The following GNRHR variants were observed in gnomAD, a reference collection of about 807,000 sequenced individuals.
GNRHR encodes the protein gonadotropin releasing hormone receptor.
GNRHR carries 14 observed loss-of-function variants against 28.1 expected under a neutral mutation model. That is an observed-to-expected ratio of 0.50 (90% CI 0.33 to 0.78). The LOEUF is 0.78. Ranked by LOEUF, GNRHR falls within the 30% of genes least tolerant of loss-of-function variation. The probability of loss-of-function intolerance (pLI) is 0.02; values close to 1 mark genes in which losing one functional copy is unlikely to be tolerated. For missense variants in GNRHR, 366 were observed against 382.1 expected (o/e 0.96, Z 0.35); for synonymous variants, 141 against 140.5 (o/e 1.00, Z -0.02).
Position 67,744,650 on chromosome 4 carries a change from G to A in GNRHR, c.660C>T (p.Phe220=). The part of the protein sequence containing the change: ...FYNFFTFSCL[F]IIPLFIMLIC... ...TCAGCATGATGAAAAGAGGGATGAT[G>A]AAGAGGCAGCTGAAGGTGAAAAAGT... Residue 220 remains phenylalanine, a synonymous_variant, in exon 2 of 3, where the codon TTC becomes TTT. Coordinates refer to ENST00000226413, the MANE Select transcript of GNRHR (RefSeq NM_000406.3). The A allele has an allele frequency of 6.2e-7, 1 of 1,613,320 alleles. No individual in the cohort carries two copies. The highest frequency in any genetic ancestry group is 1.1e-5 in the South Asian group (1 of 91,080).
In GNRHR at chr4:67,740,456, A is replaced by G. The variant is rs367750886; in HGVS notation, c.*24T>C. On this transcript the variant is annotated 3_prime_UTR_variant, in exon 3 of 3. Coordinates refer to ENST00000226413, the MANE Select transcript of GNRHR (RefSeq NM_000406.3). ...GATTCATTACCTTACCCTTCTTCAT[A>G]TGACTTCTTGTGTAGTCTATCAATC... is the stretch of plus-strand genomic sequence containing the variant. 22 of 1,555,364 alleles carry G rather than the reference A, an allele frequency of 1.4e-5. No homozygotes were observed. The highest frequency in any genetic ancestry group is 1.9e-5 in the Non-Finnish European group (21 of 1,127,084).
At chr4:67,749,650 TCCTCCCCTTCCCTCCTTTC>T (rs2109985819) in intron 1 of GNRHR, among the ~76,000 whole-genome samples, 1 of 151,992 alleles carries the variant, frequency 6.6e-6, no homozygotes, top group South Asian at 2.1e-4. Context: ...TCCTCCTTTT[TCCTCCCCTTCCCTCCTTTC>T]CCTCCCTCCC....
At chr4:67,743,738 G>A (rs1731704998) in intron 2 of GNRHR, among the ~76,000 whole-genome samples, 1 of 151,996 alleles carries the variant, frequency 6.6e-6, no homozygotes, top group African/African-American at 2.4e-5. Flanking sequence ...AATCTCTCGA[G>A]ATAAGATTTT....
chr4:67,744,815 A>T, intron 1 of GNRHR, 28 bp from the exon 2 acceptor site: 1 of 1,279,890 alleles, frequency 7.8e-7, no homozygotes, highest in Non-Finnish European at 1.1e-6. Context: ...AAGCTATGTT[A>T]CTTTTTTCCA....
rs1339948286 is a variant in GNRHR, at chr4:67,739,860, G to A, written c.*620C>T. The A allele has an allele frequency of 1.3e-5, 2 of 152,604 alleles. No individual in the cohort carries two copies. The highest frequency in any genetic ancestry group is 2.9e-5 in the Non-Finnish European group (2 of 68,336). 9.5% of individuals were successfully genotyped at this position (152,604 alleles called of 1,614,324 possible). A position where few individuals can be genotyped will look rare whatever the true frequency, so the allele number is the denominator to read the frequency against. On this transcript the variant is annotated 3_prime_UTR_variant, in exon 3 of 3. Transcript: ENST00000226413. Reference sequence around the variant, plus strand: ...CCTGTACCACATAAATAGGATGAAGGAGAACTACTCATAGTCTTGTCAGGT... The same window carrying A: ...CCTGTACCACATAAATAGGATGAAGAAGAACTACTCATAGTCTTGTCAGGT...
chr4:67,745,050 G>A (rs950822050), intron 1 of GNRHR, among the ~76,000 whole-genome samples: 1 of 152,136 alleles, frequency 6.6e-6, no homozygotes, highest in Non-Finnish European at 1.5e-5. Context: ...GGATTTAAAC[G>A]TTGTTTGTAT....
At chr4:67,745,193 T>C (rs1731732851) in intron 1 of GNRHR, among the ~76,000 whole-genome samples, 1 of 151,946 alleles carries the variant, frequency 6.6e-6, no homozygotes, top group Non-Finnish European at 1.5e-5. Flanking sequence ...AATTTTATTT[T>C]AGAGACAGAA....
intron 1 of GNRHR, among the ~76,000 whole-genome samples, chr4:67,748,484 T>A (rs1181925678): frequency 6.6e-6 from 1 of 152,076 alleles, no homozygotes; most frequent in Non-Finnish European, 1.5e-5. Context: ...ATATATTTTT[T>A]TCTTGATGTG....
At chr4:67,745,709 G>C (rs542393749) in intron 1 of GNRHR, among the ~76,000 whole-genome samples, 4 of 152,084 alleles carry the variant, frequency 2.6e-5, no homozygotes, top group East Asian at 1.9e-4. Flanking sequence ...CTTTACAGAA[G>C]AGAAATAGCT....
chr4:67,740,522 G>A lies in GNRHR; in HGVS notation c.945C>T (p.Asn315=), dbSNP rs1022682023. 1.2e-6 allele frequency: 2 copies of A among 1,605,910 alleles called. No individual in the cohort carries two copies. Among genetic ancestry groups the A allele is most frequent in the Non-Finnish European group, 1.7e-6 (2 of 1,172,664 alleles). The change falls in exon 3 of 3, where the codon AAC becomes AAT. Residue 315 remains asparagine (N), a synonymous_variant. Coordinates refer to ENST00000226413, the MANE Select transcript of GNRHR (RefSeq NM_000406.3). ...CATAGATAAGTGGATCAAAGCATGG[G>A]TTTAAAAAGGCAAAGAGAAAGAAGA... ...NHFFFLFAFL[N]PCFDPLIYGY... is the part of the protein sequence containing the mutation.
Position 67,754,237 on chromosome 4 carries a change from C to G in GNRHR, c.99G>C (p.Leu33Phe). 6.2e-7 allele frequency: 1 copy of G among 1,613,778 alleles called. No homozygotes were observed. Among genetic ancestry groups the G allele is most frequent in the Non-Finnish European group, 8.5e-7 (1 of 1,179,666 alleles). Residue 33 changes from leucine to phenylalanine, a missense_variant, in exon 1 of 3, where the codon TTG (leucine) becomes TTC (phenylalanine). Leu to Phe is a conservative substitution (Grantham distance 22). Transcript: ENST00000226413. ...TAACCGTCACTCGGATCTTTCCAGACAAGGTCAGAGTGGGGAGGTTGCCCT... is the reference window on the plus strand; with the variant it reads ...TAACCGTCACTCGGATCTTTCCAGAGAAGGTCAGAGTGGGGAGGTTGCCCT... ...LMQGNLPTLT[L>F]SGKIRVTVTF...
intron 1 of GNRHR, among the ~76,000 whole-genome samples, chr4:67,751,141 G>A (rs1478864880): frequency 6.6e-6 from 1 of 152,126 alleles, no homozygotes; most frequent in Non-Finnish European, 1.5e-5. Context: ...AAAATAAAAT[G>A]TAACAGAATA....
chr4:67,749,490 T>G (rs1476225167), intron 1 of GNRHR, among the ~76,000 whole-genome samples: 1 of 152,178 alleles, frequency 6.6e-6, no homozygotes, highest in Non-Finnish European at 1.5e-5. Context: ...TGATTTTAAA[T>G]TAGATACGGG....
intron 1 of GNRHR, among the ~76,000 whole-genome samples, chr4:67,749,333 A>G (rs529337187): frequency 2.6e-5 from 4 of 152,258 alleles, no homozygotes; most frequent in South Asian, 2.1e-4. Flanking sequence ...TAACCATAGA[A>G]TTTAAAAGCT....
intron 2 of GNRHR, 117 bp downstream of exon 2, chr4:67,744,451 A>G (rs902455922): frequency 9.9e-6 from 7 of 708,066 alleles, no homozygotes; most frequent in Middle Eastern, 3.3e-4. Context: ...ATATTAAATG[A>G]GCTAATATAT....
chr4:67,749,064 A>G (rs1461648865), intron 1 of GNRHR, among the ~76,000 whole-genome samples: 2 of 152,154 alleles, frequency 1.3e-5, no homozygotes, highest in African/African-American at 4.8e-5. Context: ...TTATGTCTTC[A>G]AGCATTATTT....
chr4:67,753,333 T>G (rs1285484481), intron 1 of GNRHR, among the ~76,000 whole-genome samples: 2 of 152,228 alleles, frequency 1.3e-5, no homozygotes, highest in African/African-American at 2.4e-5. Context: ...TCTTAAAATT[T>G]CCACTGAAGA....
chr4:67,750,909 C>G (rs1731853976), intron 1 of GNRHR, among the ~76,000 whole-genome samples: 1 of 152,054 alleles, frequency 6.6e-6, no homozygotes, highest in African/African-American at 2.4e-5. Context: ...AAATAAAAAG[C>G]CCTCTTTCTC....
intron 1 of GNRHR, among the ~76,000 whole-genome samples, chr4:67,745,015 A>G (rs1453202950): frequency 2.0e-5 from 3 of 152,148 alleles, no homozygotes; most frequent in Non-Finnish European, 2.9e-5. Context: ...AATTATTTCA[A>G]CCTTGAAGAA....
Sources: gnomAD v4.1 joint callset for allele counts (sites outside exome capture counted in the v4.1 genomes callset) on GRCh38, gnomAD v4.1.1 for gene constraint, MANE v1.5 for transcripts, NCBI Gene and HGNC (gene_info 2026-07-23, HGNC 2026-07-21) for gene names.